STAG1: variants seen among roughly 807,000 people sequenced by gnomAD.
STAG1 encodes STAG1 cohesin complex component.
STAG1 carries 26 observed loss-of-function variants against 170.9 expected under a neutral mutation model. The observed-to-expected ratio is 0.15, with a 90% CI of 0.11 to 0.21. The LOEUF (loss-of-function observed/expected upper bound fraction) is 0.21, where lower values mean the gene tolerates loss of function less well. Ranked by LOEUF, STAG1 falls within the 10% of genes least tolerant of loss-of-function variation. The probability of loss-of-function intolerance (pLI) is 1.00; values close to 1 mark genes in which losing one functional copy is unlikely to be tolerated. For synonymous variants in STAG1, 514 were observed against 497.7 expected, an observed-to-expected ratio of 1.03 and a Z score of -0.44; for missense variants, 964 against 1,509.5, an observed-to-expected ratio of 0.64 and a Z score of 5.99.
At chr3:136,521,149 G>C in intron 7 of STAG1, 64 bp downstream of exon 7, 2 of 1,269,956 alleles carry the variant, frequency 1.6e-6, no homozygotes, top group Non-Finnish European at 2.2e-6. Context: ...CATTAAGTTT[G>C]TAATCAGAAT....
intron 1 of STAG1, chr3:136,737,231 C>G: frequency 4.6e-6 from 3 of 650,964 alleles, no homozygotes. Context: ...GCCGCCACTT[C>G]CCCAGCCCAG....
chr3:136,346,081 T>G (rs1936210763), intron 29 of STAG1, among the ~76,000 whole-genome samples: 1 of 152,260 alleles, frequency 6.6e-6, no homozygotes, highest in Admixed American at 6.5e-5. Flanking sequence ...ACATGTCATC[T>G]TTTCCAGAAA....
At chr3:136,479,203 A>G (rs2089854161) in intron 9 of STAG1, among the ~76,000 whole-genome samples, 1 of 143,358 alleles carries the variant, frequency 7.0e-6, no homozygotes, top group East Asian at 2.1e-4. Context: ...CATTAGGTAT[A>G]TCTCCCAATG....
At chr3:136,567,687 A>G (rs1937133433) in intron 5 of STAG1, among the ~76,000 whole-genome samples, 1 of 152,168 alleles carries the variant, frequency 6.6e-6, no homozygotes, top group African/African-American at 2.4e-5. Flanking sequence ...ACACTTGCTA[A>G]CTGTATGATC....
intron 23 of STAG1, among the ~76,000 whole-genome samples, chr3:136,377,323 C>G (rs1937654053): frequency 8.0e-6 from 1 of 125,414 alleles, no homozygotes; most frequent in African/African-American, 3.0e-5. Context: ...GGAGGCGGAG[C>G]TTGCAGTGAG....
intron 28 of STAG1, among the ~76,000 whole-genome samples, chr3:136,356,903 C>T (rs1936676773): frequency 6.6e-6 from 1 of 151,542 alleles, no homozygotes; most frequent in African/African-American, 2.4e-5. Flanking sequence ...CAGGCATGCA[C>T]CACCATGCCT....
intron 21 of STAG1, 67 bp from the exon 22 acceptor site, chr3:136,398,896 G>T: frequency 1.1e-6 from 1 of 894,262 alleles, no homozygotes; most frequent in Non-Finnish European, 1.6e-6. Flanking sequence ...TGTTTGCACC[G>T]TGCTAAGATA....
intron 13 of STAG1, among the ~76,000 whole-genome samples, chr3:136,454,518 A>G (rs2089049075): frequency 6.6e-6 from 1 of 151,678 alleles, no homozygotes; most frequent in Non-Finnish European, 1.5e-5. Context: ...AGATAAGATT[A>G]CAGGCGTGTG....
intron 5 of STAG1, among the ~76,000 whole-genome samples, chr3:136,563,694 T>C (rs1208241748): frequency 6.6e-6 from 1 of 150,696 alleles, no homozygotes; most frequent in African/African-American, 2.4e-5. Flanking sequence ...ACTGTAGATA[T>C]TATTCTGCAA....
chr3:136,697,858 G>A (rs1942944271), intron 1 of STAG1, among the ~76,000 whole-genome samples: 1 of 151,930 alleles, frequency 6.6e-6, no homozygotes, highest in South Asian at 2.1e-4. Context: ...GTTAATATAG[G>A]GATTAGAAGA....
chr3:136,723,086 G>A (rs1284171622), intron 1 of STAG1, among the ~76,000 whole-genome samples: 1 of 152,246 alleles, frequency 6.6e-6, no homozygotes, highest in Non-Finnish European at 1.5e-5. Flanking sequence ...CCAAAGTGCC[G>A]AGATTGCAGC....
intron 2 of STAG1, among the ~76,000 whole-genome samples, chr3:136,629,499 A>T (rs1017977838): frequency 6.6e-6 from 1 of 152,032 alleles, no homozygotes; most frequent in Admixed American, 6.5e-5. Flanking sequence ...ATGTTCATAT[A>T]TTTATATATA....
chr3:136,553,933 C>A (rs1412205505), intron 5 of STAG1, among the ~76,000 whole-genome samples: 2 of 151,610 alleles, frequency 1.3e-5, no homozygotes, highest in East Asian at 1.9e-4. Context: ...GTATTAAATG[C>A]AAAAGGGACT....
At chr3:136,460,896 T>TA (rs2089255718) in intron 13 of STAG1, among the ~76,000 whole-genome samples, 1 of 152,054 alleles carries the variant, frequency 6.6e-6, no homozygotes, top group African/African-American at 2.4e-5. Flanking sequence ...CAAAAACTAT[T>TA]AGACAATATC....
chr3:136,454,359 C>T (rs1254127203), intron 13 of STAG1, among the ~76,000 whole-genome samples: 1 of 147,346 alleles, frequency 6.8e-6, no homozygotes, highest in East Asian at 2.0e-4. Context: ...GGATTACAGG[C>T]CTGAGCCACC....
intron 1 of STAG1, among the ~76,000 whole-genome samples, chr3:136,668,581 A>C (rs1360095645): frequency 6.6e-6 from 1 of 151,980 alleles, no homozygotes; most frequent in Non-Finnish European, 1.5e-5. Context: ...TTCAGGCTGC[A>C]ATGCAGGCTG....
At chr3:136,469,148 A>C (rs2089554634) in intron 12 of STAG1, among the ~76,000 whole-genome samples, 1 of 152,306 alleles carries the variant, frequency 6.6e-6, no homozygotes, top group Admixed American at 6.5e-5. Context: ...GCAATCAGGC[A>C]GGAGAAGGAA....
At chr3:136,464,404 C>T (rs1044516978) in intron 13 of STAG1, among the ~76,000 whole-genome samples, 13 of 148,456 alleles carry the variant, frequency 8.8e-5, no homozygotes, top group African/African-American at 3.0e-4. Context: ...GTCTGGGCAA[C>T]AAGAGCGAAA....
intron 5 of STAG1, among the ~76,000 whole-genome samples, chr3:136,553,269 C>A (rs1193047612): frequency 6.6e-6 from 1 of 151,536 alleles, no homozygotes; most frequent in Admixed American, 6.6e-5. Flanking sequence ...CACAGAAATT[C>A]AAAAATATGG....
Sources: gnomAD v4.1 joint callset for allele counts (sites outside exome capture counted in the v4.1 genomes callset) on GRCh38, gnomAD v4.1.1 for gene constraint, MANE v1.5 for transcripts, NCBI Gene and HGNC (gene_info 2026-07-23, HGNC 2026-07-21) for gene names.